Variants in GSE1 observed in about 807,000 individuals in gnomAD.
GSE1 encodes the protein Gse1 coiled-coil protein.
Under a neutral mutation model 112.6 loss-of-function variants are expected in GSE1, and 32 were observed. The observed-to-expected ratio is 0.28, with a 90% CI of 0.21 to 0.38. The LOEUF (loss-of-function observed/expected upper bound fraction) is 0.38, where lower values mean the gene tolerates loss of function less well. GSE1 is among the 10% of genes least tolerant of loss of function. The pLI is 1.00. For missense variants in GSE1, 2,348 were observed against 1,699.2 expected, an observed-to-expected ratio of 1.38 and a Z score of -6.71; for synonymous variants, 1,115 against 735.6, an observed-to-expected ratio of 1.52 and a Z score of -8.35.
intron 2 of GSE1, among the ~76,000 whole-genome samples, chr16:85,549,973 C>T (rs2044846789): frequency 6.6e-6 from 1 of 152,168 alleles, no homozygotes; most frequent in African/African-American, 2.4e-5. Flanking sequence ...ACTAAGGCCC[C>T]ATCAGTGGGA....
chr16:85,575,892 C>T (rs2046207789), intron 1 of GSE1, among the ~76,000 whole-genome samples: 1 of 148,860 alleles, frequency 6.7e-6, no homozygotes, highest in South Asian at 2.1e-4. Context: ...TGGTATGCTG[C>T]CTCGTTTCTG....
At chr16:85,482,533 C>A (rs1231834926) in intron 2 of GSE1, among the ~76,000 whole-genome samples, 1 of 152,146 alleles carries the variant, frequency 6.6e-6, no homozygotes, top group Non-Finnish European at 1.5e-5. Flanking sequence ...TAACAACAGT[C>A]CTTACCTGGG....
chr16:85,245,574 A>G (rs574207083), intron 1 of GSE1, among the ~76,000 whole-genome samples: 1 of 152,216 alleles, frequency 6.6e-6, no homozygotes, highest in African/African-American at 2.4e-5. Flanking sequence ...TTTTGATTGG[A>G]TTTCTTGGAT....
chr16:85,575,071 G>A (rs973448363), intron 1 of GSE1, among the ~76,000 whole-genome samples: 3 of 142,246 alleles, frequency 2.1e-5, no homozygotes, highest in East Asian at 2.1e-4. Flanking sequence ...GGCTTTTTAC[G>A]CTCCAGTTAA....
chr16:85,408,741 T>A lies in GSE1; in HGVS notation c.2464+51098T>A, dbSNP rs1281239875. On this transcript the variant is annotated intron_variant, in intron 2 of 2. Coordinates refer to the GSE1 transcript ENST00000637419. The stretch of plus-strand genomic sequence containing the variant: ...GCACCTGGATAATCCTCACTGTCAC[T>A]CTCAGGCCCCCCTGGATAATCCTCA... Among the ~76,000 whole-genome samples the A allele has an allele frequency of 1.7e-4, 8 of 47,600 alleles. 1 individual carries two copies. Among genetic ancestry groups the A allele is most frequent in the African/African-American group, 6.7e-4 (6 of 8,982 alleles). The allele number at this position is 47,600 out of a possible 152,430, so 31.2% of individuals were successfully genotyped here. A position where few individuals can be genotyped will look rare whatever the true frequency, so the allele number is the denominator to read the frequency against.
At chr16:85,379,026 C>T (rs1376848650) in intron 2 of GSE1, among the ~76,000 whole-genome samples, 1 of 152,204 alleles carries the variant, frequency 6.6e-6, no homozygotes, top group Non-Finnish European at 1.5e-5. Context: ...CCACCTATCG[C>T]CTGCACCATG....
At chr16:85,551,161 C>T (rs2044896252), upstream of GSE1, among the ~76,000 whole-genome samples, 1 of 152,176 alleles carries the variant, frequency 6.6e-6, no homozygotes, top group Non-Finnish European at 1.5e-5. Context: ...TGTCTGACTC[C>T]TCCCCAGCGG....
At chr16:85,448,766 A>G (rs1264461676) in intron 2 of GSE1, among the ~76,000 whole-genome samples, 4 of 152,282 alleles carry the variant, frequency 2.6e-5, no homozygotes, top group Non-Finnish European at 5.9e-5. Context: ...GGGGCAGGAA[A>G]CCACCAACGT....
chr16:85,434,354 C>T (rs1567483928), intron 2 of GSE1, among the ~76,000 whole-genome samples: 7 of 150,752 alleles, frequency 4.6e-5, no homozygotes, highest in Admixed American at 2.6e-4. Flanking sequence ...TAATCAGTGC[C>T]GTCCGCCTCC....
chr16:85,606,233 T>A (rs764929227), intron 1 of GSE1, among the ~76,000 whole-genome samples: 4 of 152,118 alleles, frequency 2.6e-5, no homozygotes, highest in Non-Finnish European at 4.4e-5. Context: ...ACATCACCCA[T>A]GTTGACAGTA....
At chr16:85,289,817 C>T (rs1363712812) in intron 1 of GSE1, among the ~76,000 whole-genome samples, 1 of 152,166 alleles carries the variant, frequency 6.6e-6, no homozygotes. Context: ...GGCTCACAGG[C>T]TGGGGGGCTC....
At chr16:85,277,981 G>T (rs570919101) in intron 1 of GSE1, among the ~76,000 whole-genome samples, 12 of 152,370 alleles carry the variant, frequency 7.9e-5, no homozygotes, top group Non-Finnish European at 1.8e-4. Context: ...GGAATGGGTG[G>T]GAAAGCAGGC....
chr16:85,369,044 A>G (rs1470146008), intron 2 of GSE1, among the ~76,000 whole-genome samples: 1 of 152,122 alleles, frequency 6.6e-6, no homozygotes, highest in African/African-American at 2.4e-5. Context: ...GCTTAAACCA[A>G]AAGCTTGTTC....
intron 1 of GSE1, among the ~76,000 whole-genome samples, chr16:85,219,040 C>A (rs543538964): frequency 1.3e-5 from 2 of 152,064 alleles, no homozygotes; most frequent in African/African-American, 4.8e-5. Context: ...CCACCACGAC[C>A]GGCTAGTTTT....
chr16:85,521,227 C>T (rs2052175122), intron 2 of GSE1, among the ~76,000 whole-genome samples: 2 of 152,198 alleles, frequency 1.3e-5, no homozygotes, highest in Non-Finnish European at 2.9e-5. Context: ...GCACTGGCGC[C>T]AGGCGTGGGA....
chr16:85,383,148 A>G (rs1235930124), intron 2 of GSE1, among the ~76,000 whole-genome samples: 2 of 151,718 alleles, frequency 1.3e-5, no homozygotes, highest in Non-Finnish European at 2.9e-5. Context: ...TAACACACCC[A>G]TATATACAGT....
intron 1 of GSE1, among the ~76,000 whole-genome samples, chr16:85,331,709 T>A (rs1194907966): frequency 0.033 from 665 of 20,400 alleles, 14 homozygotes; most frequent in South Asian, 0.1. Flanking sequence ...ATATATATAT[T>A]TTTTTTTTTT....
At chr16:85,659,851 C>T in intron 8 of GSE1, among the ~76,000 whole-genome samples, 1 of 152,244 alleles carries the variant, frequency 6.6e-6, no homozygotes, top group Non-Finnish European at 1.5e-5. Flanking sequence ...CAGGCCTTAG[C>T]CTGGGTCCTT....
chr16:85,460,733 T>C (rs2049946477), intron 2 of GSE1, among the ~76,000 whole-genome samples: 2 of 151,596 alleles, frequency 1.3e-5, no homozygotes, highest in Admixed American at 6.6e-5. Flanking sequence ...GACACGGTCC[T>C]GTGGTCTTGC....
Sources: allele counts gnomAD v4.1 joint callset (sites outside exome capture counted in the v4.1 genomes callset), GRCh38; gene constraint gnomAD v4.1.1; transcripts MANE v1.5; gene names NCBI Gene and HGNC (gene_info 2026-07-23, HGNC 2026-07-21).